STARD8: variants seen among roughly 807,000 people sequenced by gnomAD.
The protein encoded by STARD8 is StAR related lipid transfer domain containing 8.
In STARD8, 25 loss-of-function variants were observed where a neutral mutation model predicts 69.4. The ratio of observed to expected loss-of-function variants is 0.36; its 90% confidence interval spans 0.26 to 0.50. The LOEUF (loss-of-function observed/expected upper bound fraction) is 0.50. Ranked by LOEUF, STARD8 falls within the 20% of genes least tolerant of loss-of-function variation. The pLI is 0.96. For missense variants in STARD8, 921 were observed against 932.5 expected (o/e 0.99, Z 0.16); for synonymous variants, 389 against 374.6 (o/e 1.04, Z -0.45).
At chrX:68,710,506 C>A in intron 2 of STARD8, among the ~76,000 whole-genome samples, 1 of 112,156 alleles carries the variant, frequency 8.9e-6, no homozygotes. Flanking sequence ...TAGTCTGGGA[C>A]TACACTTTGA....
intron 2 of STARD8, among the ~76,000 whole-genome samples, chrX:68,697,184 T>A (rs962647585): frequency 6.2e-5 from 7 of 112,470 alleles, no homozygotes; most frequent in African/African-American, 2.3e-4. Context: ...AGTTTCTTAA[T>A]ATTATCAAAT....
At chrX:68,688,465 G>A (rs2079849812) in intron 2 of STARD8, among the ~76,000 whole-genome samples, 1 of 110,027 alleles carries the variant, frequency 9.1e-6, no homozygotes, top group African/African-American at 3.4e-5. Flanking sequence ...CACGTCTGGT[G>A]GCAGTGTGGG....
chrX:68,664,559 A>G (rs182493913), intron 1 of STARD8, among the ~76,000 whole-genome samples: 1 of 111,824 alleles, frequency 8.9e-6, no homozygotes, highest in African/African-American at 3.3e-5. Flanking sequence ...AGCTCTTCAC[A>G]TTGCTGACAA....
Position 68,716,577 on chromosome X carries a change from T to C in STARD8, c.297+146T>C, listed in dbSNP as rs753545607. On this transcript the variant is annotated intron_variant, in intron 5 of 14. Transcript: ENST00000374599. ...GCCTTTCCCCAGCTAGGGGTAGAGA[T>C]GGAGGAGATCTAGGACCCCATTCTT... 11 of 539,005 alleles carry C rather than the reference T, an allele frequency of 2.0e-5. No individual in the cohort carries two copies. In the East Asian group the frequency reaches 2.3e-4, roughly 11 times the overall value. 44.4% of individuals were successfully genotyped at this position (539,005 alleles called of 1,213,427 possible).
At chrX:68,652,782 C>CCA (rs1177625062) in intron 1 of STARD8, among the ~76,000 whole-genome samples, 7 of 71,145 alleles carry the variant, frequency 9.8e-5, no homozygotes, top group African/African-American at 1.1e-4. Flanking sequence ...ACCCCACACA[C>CCA]CACACACACA....
At chrX:68,683,086 T>C (rs768784760) in intron 2 of STARD8, among the ~76,000 whole-genome samples, 101 of 112,025 alleles carry the variant, frequency 9.0e-4, no homozygotes, top group African/African-American at 3.1e-3. Context: ...AGGATTAGCA[T>C]CGATATAGGG....
At chrX:68,691,742 C>A (rs968220371) in intron 2 of STARD8, among the ~76,000 whole-genome samples, 3 of 112,010 alleles carry the variant, frequency 2.7e-5, no homozygotes, top group Non-Finnish European at 3.8e-5. Context: ...ACTATACCCT[C>A]CTCCTTTTTT....
At chrX:68,720,640 G>T (rs1289293250) in intron 8 of STARD8, among the ~76,000 whole-genome samples, 1 of 113,023 alleles carries the variant, frequency 8.8e-6, no homozygotes, top group Non-Finnish European at 1.9e-5. Flanking sequence ...CTTCTTTCTG[G>T]CCCAGGCTCT....
At position 68,688,404 on chromosome X, in the gene STARD8, G is replaced by A. The variant is rs1332081404; in HGVS notation, c.79+22872G>A. ...GGCTGGGCCAGGCTGGGGGCAGGGCGTATAAAAGCCACACACCACTCCACA... is the reference window on the plus strand; with the variant it reads ...GGCTGGGCCAGGCTGGGGGCAGGGCATATAAAAGCCACACACCACTCCACA... On this transcript the variant is annotated intron_variant, in intron 2 of 14. Transcript: ENST00000374599. Among the ~76,000 whole-genome samples the A allele has an allele frequency of 5.4e-5, 6 of 110,590 alleles. No homozygotes were observed. The East Asian group carries it at 1.7e-3, about 31-fold the overall frequency.
chrX:68,724,906 C>G lies in STARD8; in HGVS notation c.*484C>G, dbSNP rs950846192. On this transcript the variant is annotated 3_prime_UTR_variant, in exon 15 of 15. Coordinates refer to ENST00000374599, the MANE Select transcript of STARD8 (RefSeq NM_001142503.3). ...GGGGCCAACGCTGGCTCTGAAGTGTCTTTTTCAGAGGAATTGGACTGGAGT... is the reference window on the plus strand; with the variant it reads ...GGGGCCAACGCTGGCTCTGAAGTGTGTTTTTCAGAGGAATTGGACTGGAGT... 2 of 114,833 alleles carry G rather than the reference C, an allele frequency of 1.7e-5. No individual in the cohort carries two copies. The highest frequency in any genetic ancestry group is 6.5e-5 in the African/African-American group (2 of 30,818). The allele number at this position is 114,833 out of a possible 1,213,427, so 9.5% of individuals were successfully genotyped here. A position where few individuals can be genotyped will look rare whatever the true frequency, so the allele number is the denominator to read the frequency against.
intron 1 of STARD8, among the ~76,000 whole-genome samples, chrX:68,658,751 T>G (rs2079626327): frequency 1.8e-5 from 2 of 112,516 alleles, no homozygotes; most frequent in African/African-American, 3.2e-5. Flanking sequence ...CTGCTGGGAT[T>G]TGGGGTCAGA....
intron 1 of STARD8, among the ~76,000 whole-genome samples, chrX:68,652,683 T>C (rs1293240542): frequency 2.2e-5 from 2 of 91,898 alleles, no homozygotes; most frequent in African/African-American, 4.1e-5. Flanking sequence ...TCCACACACA[T>C]GAAACACACA....
chrX:68,653,138 AC>A (rs2079574669), intron 1 of STARD8, among the ~76,000 whole-genome samples: 1 of 68,562 alleles, frequency 1.5e-5, no homozygotes, highest in Non-Finnish European at 2.8e-5. Context: ...CACACCACAC[AC>A]CACACACACC....
At chrX:68,714,859 CA>C (rs1388409115) in intron 3 of STARD8, among the ~76,000 whole-genome samples, 9 of 111,578 alleles carry the variant, frequency 8.1e-5, no homozygotes, top group Non-Finnish European at 1.1e-4. Flanking sequence ...CTCTGGGCCA[CA>C]GGGGGATGCA....
intron 9 of STARD8, 76 bp from the exon 10 acceptor site, chrX:68,721,460 C>A: frequency 1.8e-6 from 2 of 1,101,021 alleles, no homozygotes; most frequent in Non-Finnish European, 1.2e-6. Flanking sequence ...GCCTTTTGCC[C>A]CCTTGGAAAC....
At chrX:68,668,686 C>G (rs2079709522) in intron 2 of STARD8, among the ~76,000 whole-genome samples, 1 of 111,260 alleles carries the variant, frequency 9.0e-6, no homozygotes, top group Non-Finnish European at 1.9e-5. Flanking sequence ...AAAGAATGAC[C>G]TGAATTACCT....
Position 68,721,134 on chromosome X carries a change from A to G in STARD8, c.2248+12A>G, listed in dbSNP as rs756205996. 4 of 1,205,312 alleles carry G rather than the reference A, an allele frequency of 3.3e-6. No individual in the cohort carries two copies. In the East Asian group the frequency reaches 8.9e-5, roughly 27 times the overall value. On this transcript the variant is annotated intron_variant, in intron 9 of 14. Coordinates refer to ENST00000374599, the MANE Select transcript of STARD8 (RefSeq NM_001142503.3). Reference sequence around the variant, plus strand: ...CCAGATCTACCAGCGTGAGTCGCCCACTCCTATCCCCAACAACCTGTCCCA... The same window carrying G: ...CCAGATCTACCAGCGTGAGTCGCCCGCTCCTATCCCCAACAACCTGTCCCA...
At chrX:68,704,083 C>A (rs776244434) in intron 2 of STARD8, among the ~76,000 whole-genome samples, 1 of 111,532 alleles carries the variant, frequency 9.0e-6, no homozygotes, top group South Asian at 3.7e-4. Context: ...CATTCGGTAG[C>A]CCTTAACACA....
At chrX:68,690,987 A>T (rs756268854) in intron 2 of STARD8, among the ~76,000 whole-genome samples, 1 of 112,040 alleles carries the variant, frequency 8.9e-6, no homozygotes, top group South Asian at 3.7e-4. Context: ...CACAGCTAGT[A>T]AGTAGCAGAG....
Sources: allele counts gnomAD v4.1 joint callset (sites outside exome capture counted in the v4.1 genomes callset), GRCh38; gene constraint gnomAD v4.1.1; transcripts MANE v1.5; gene names NCBI Gene and HGNC (gene_info 2026-07-23, HGNC 2026-07-21).